CDH13: variants seen among roughly 807,000 people sequenced by gnomAD.
The protein encoded by CDH13 is cadherin-13.
In CDH13, 24 loss-of-function variants were observed where a neutral mutation model predicts 63.8. The observed-to-expected ratio is 0.38, with a 90% CI of 0.27 to 0.53. The LOEUF is 0.53. Ranked by LOEUF, CDH13 falls within the 20% of genes least tolerant of loss-of-function variation. CDH13 has a pLI of 0.85. For missense variants in CDH13, 1,049 were observed against 903.1 expected (o/e 1.16, Z -2.07); for synonymous variants, 503 against 355.3 (o/e 1.42, Z -4.67).
chr16:82,726,952 G>GACCT (rs1351970405), intron 1 of CDH13, among the ~76,000 whole-genome samples: 4 of 152,174 alleles, frequency 2.6e-5, no homozygotes, highest in Non-Finnish European at 4.4e-5. Flanking sequence ...AAGCAGCAGG[G>GACCT]ACCTGTCTTT....
intron 6 of CDH13, among the ~76,000 whole-genome samples, chr16:83,414,359 C>T (rs2092170014): frequency 6.6e-6 from 1 of 152,040 alleles, no homozygotes; most frequent in Non-Finnish European, 1.5e-5. Flanking sequence ...ATGCAACCAC[C>T]ACCACAGTCT....
chr16:83,755,641 G>A (rs1173430348), intron 11 of CDH13, among the ~76,000 whole-genome samples: 1 of 152,050 alleles, frequency 6.6e-6, no homozygotes, highest in African/African-American at 2.4e-5. Context: ...AATGTGGAAG[G>A]CAATGGAATA....
chr16:82,866,377 C>CTTCTTTTT (rs1219841320), intron 2 of CDH13, among the ~76,000 whole-genome samples: 10 of 58,316 alleles, frequency 1.7e-4, no homozygotes, highest in East Asian at 7.9e-4. Flanking sequence ...TTTTCTTCTT[C>CTTCTTTTT]TTTTTTTTTT....
intron 1 of CDH13, among the ~76,000 whole-genome samples, chr16:82,820,972 C>A (rs1354659398): frequency 1.3e-5 from 2 of 152,088 alleles, no homozygotes; most frequent in Admixed American, 1.3e-4. Flanking sequence ...AGGGGTAGAG[C>A]TTGGTGACTT....
chr16:83,775,203 C>T (rs570384197), intron 11 of CDH13, among the ~76,000 whole-genome samples: 1 of 151,928 alleles, frequency 6.6e-6, no homozygotes, highest in African/African-American at 2.4e-5. Flanking sequence ...CTCACCATAC[C>T]TACAATGAAT....
intron 6 of CDH13, among the ~76,000 whole-genome samples, chr16:83,474,720 G>A (rs1342623808): frequency 6.6e-6 from 1 of 152,228 alleles, no homozygotes; most frequent in African/African-American, 2.4e-5. Flanking sequence ...AGAGCTGGGA[G>A]CCCGAGGAAT....
intron 5 of CDH13, among the ~76,000 whole-genome samples, chr16:83,273,052 A>T (rs922106767): frequency 7.2e-5 from 11 of 152,098 alleles, no homozygotes; most frequent in Non-Finnish European, 1.3e-4. Flanking sequence ...TTGTTTCGTA[A>T]CTTCAGCACT....
intron 4 of CDH13, among the ~76,000 whole-genome samples, chr16:83,205,453 A>G (rs1339287654): frequency 6.6e-6 from 1 of 152,200 alleles, no homozygotes; most frequent in Admixed American, 6.5e-5. Context: ...CATGTTATGT[A>G]AAATGAGGTT....
chr16:83,335,452 G>C (rs891356228), intron 5 of CDH13, among the ~76,000 whole-genome samples: 4 of 152,066 alleles, frequency 2.6e-5, no homozygotes, highest in Non-Finnish European at 5.9e-5. Context: ...TGGAGAGATG[G>C]CAGTGTTAAG....
chr16:83,521,466 T>C (rs1005031967), intron 7 of CDH13, among the ~76,000 whole-genome samples: 1 of 152,160 alleles, frequency 6.6e-6, no homozygotes, highest in Non-Finnish European at 1.5e-5. Flanking sequence ...ACCAACACAG[T>C]GTAAACACCA....
At chr16:83,305,504 T>A (rs1162189347) in intron 5 of CDH13, among the ~76,000 whole-genome samples, 1 of 152,144 alleles carries the variant, frequency 6.6e-6, no homozygotes, top group African/African-American at 2.4e-5. Flanking sequence ...TTTTGGAGGG[T>A]TTTGTCTTTC....
chr16:83,711,041 G>A (rs952283924), intron 10 of CDH13, among the ~76,000 whole-genome samples: 1 of 152,156 alleles, frequency 6.6e-6, no homozygotes, highest in Non-Finnish European at 1.5e-5. Flanking sequence ...CCTCATTCTG[G>A]CCACCAGCAG....
intron 2 of CDH13, among the ~76,000 whole-genome samples, chr16:82,898,260 C>G (rs1264637096): frequency 2.0e-5 from 3 of 152,150 alleles, no homozygotes; most frequent in Non-Finnish European, 4.4e-5. Context: ...CGTGGTGGCT[C>G]ATTCCAGTAA....
intron 3 of CDH13, among the ~76,000 whole-genome samples, chr16:83,080,801 A>G (rs961196029): frequency 6.6e-6 from 1 of 150,682 alleles, no homozygotes; most frequent in African/African-American, 2.5e-5. Flanking sequence ...TTGGCAGAAA[A>G]TTAGTGGGTT....
At chr16:83,301,222 G>A (rs2089734261) in intron 5 of CDH13, among the ~76,000 whole-genome samples, 2 of 151,782 alleles carry the variant, frequency 1.3e-5, no homozygotes, top group Admixed American at 1.3e-4. Context: ...TAGTAGAGAT[G>A]GGGTTTCACT....
Position 83,197,375 on chromosome 16 carries a change from C to T in CDH13, c.484-19970C>T, listed in dbSNP as rs374774548. Among the ~76,000 whole-genome samples the T allele has an allele frequency of 4.6e-5, 7 of 152,062 alleles. No homozygotes were observed. In the East Asian group the frequency reaches 5.8e-4, roughly 13 times the overall value. ...GTATCCATCCCCTCCAGCATTTATC[C>T]TTTGTGGTGCAAATAATGCAATTAT... On this transcript the variant is annotated intron_variant, in intron 4 of 13. Transcript: ENST00000567109.
chr16:83,416,990 T>C (rs933653059), intron 6 of CDH13, among the ~76,000 whole-genome samples: 1 of 152,216 alleles, frequency 6.6e-6, no homozygotes, highest in African/African-American at 2.4e-5. Flanking sequence ...AATAGTGTTT[T>C]TAAAATCAGT....
At chr16:82,828,492 C>A (rs1050220277) in intron 1 of CDH13, among the ~76,000 whole-genome samples, 2 of 152,038 alleles carry the variant, frequency 1.3e-5, no homozygotes, top group Non-Finnish European at 2.9e-5. Flanking sequence ...TGGCGGGCAC[C>A]TGTAATCCCA....
intron 2 of CDH13, among the ~76,000 whole-genome samples, chr16:82,863,646 CTAT>C (rs1014166150): frequency 1.1e-4 from 16 of 152,054 alleles, no homozygotes; most frequent in Admixed American, 2.0e-4. Flanking sequence ...ATGGAAGCTG[CTAT>C]TATTATTATT....
Sources: allele counts gnomAD v4.1 joint callset (sites outside exome capture counted in the v4.1 genomes callset), GRCh38; gene constraint gnomAD v4.1.1; transcripts MANE v1.5; gene names NCBI Gene and HGNC (gene_info 2026-07-23, HGNC 2026-07-21).